The following CHST8 variants were observed in gnomAD, a reference collection of about 807,000 sequenced individuals.
CHST8 encodes GALNAC-4-ST1.
A neutral mutation model predicts 15.0 loss-of-function variants in CHST8; 10 were observed. That is an observed-to-expected ratio of 0.67 (90% CI 0.41 to 1.13). The LOEUF is 1.13. Ranked by LOEUF, CHST8 falls within the 50% of genes most tolerant of loss-of-function variation. The pLI is 0.00. For synonymous variants in CHST8, 259 were observed against 256.6 expected, an observed-to-expected ratio of 1.01 and a Z score of -0.09; for missense variants, 634 against 608.2, an observed-to-expected ratio of 1.04 and a Z score of -0.45.
intron 3 of CHST8, among the ~76,000 whole-genome samples, chr19:33,696,612 C>T (rs549847647): frequency 2.0e-5 from 3 of 152,106 alleles, no homozygotes; most frequent in Admixed American, 6.5e-5. Context: ...ATAAATGTAA[C>T]GTGCTTGAAC....
At chr19:33,655,766 G>T (rs902577215) in intron 1 of CHST8, among the ~76,000 whole-genome samples, 2 of 151,232 alleles carry the variant, frequency 1.3e-5, no homozygotes, top group African/African-American at 2.4e-5. Context: ...TATTAATGTT[G>T]TTTTTTTTCT....
rs1472808641 is a variant in CHST8 at position 33,753,159 on chromosome 19, G to A, written c.131-18254G>A. 3.3e-5 allele frequency among the ~76,000 whole-genome samples: 5 copies of A among 151,978 alleles called. No individual in the cohort carries two copies. In the East Asian group the frequency reaches 9.7e-4, roughly 29 times the overall value. ...GGTCAGGGAGGTCACTCTTGCCCGT[G>A]GGAACGGCACAGCCAGAGCCTGCAC... On this transcript the variant is annotated intron_variant, in intron 3 of 4. Transcript: ENST00000650847.
chr19:33,650,518 CTTTTTTTTTTTTT>C, intron 1 of CHST8, among the ~76,000 whole-genome samples: 1 of 36,108 alleles, frequency 2.8e-5, no homozygotes, highest in South Asian at 1.1e-3. Context: ...TTTTTCTTTT[CTTTTTTTTTTTTT>C]TTTTTTTTTT....
In CHST8 at chr19:33,772,498, A is replaced by T; in HGVS notation, c.710A>T (p.Asp237Val). 6.2e-7 allele frequency: 1 copy of T among 1,613,792 alleles called. No individual in the cohort carries two copies. The highest frequency in any genetic ancestry group is 8.5e-7 in the Non-Finnish European group (1 of 1,180,008). The change falls in exon 5 of 5, where the codon GAC becomes GTC. Residue 237 changes from aspartate (D) to valine (V), a missense_variant. Physicochemically the swap from Asp to Val is radical, Grantham distance 152. Coordinates refer to ENST00000650847, the MANE Select transcript of CHST8 (RefSeq NM_001127895.2). ...TATGGCAGCGCTCTCAAGCGCCTGG[A>T]CACCTTCGACCGCCAGGGTATCTTG... The part of the protein sequence containing the change: ...VHYGSALKRL[D>V]TFDRQGILHR...
intron 1 of CHST8, among the ~76,000 whole-genome samples, chr19:33,634,199 T>C (rs1308394576): frequency 3.3e-5 from 5 of 152,202 alleles, no homozygotes; most frequent in African/African-American, 9.6e-5. Flanking sequence ...GTTCCGTACG[T>C]AACTCTCCCA....
At chr19:33,650,392 G>T (rs1972420844) in intron 1 of CHST8, among the ~76,000 whole-genome samples, 1 of 151,732 alleles carries the variant, frequency 6.6e-6, no homozygotes, top group Non-Finnish European at 1.5e-5. Flanking sequence ...TATCTATTCA[G>T]ATCCTTTGCC....
chr19:33,707,106 C>A (rs1324177019), intron 3 of CHST8, among the ~76,000 whole-genome samples: 1 of 152,168 alleles, frequency 6.6e-6, no homozygotes, highest in African/African-American at 2.4e-5. Context: ...GTTTCCCAGA[C>A]TAAAGTGCAG....
rs189989840 is a variant in CHST8 at position 33,626,466 on chromosome 19, C to T, written c.-164+4170C>T. ...ATTTGGATGTTTGTCCCCTGTGAATCTTACCTTGAAATGTGATCCCCAGTG... is the reference window on the plus strand; with the variant it reads ...ATTTGGATGTTTGTCCCCTGTGAATTTTACCTTGAAATGTGATCCCCAGTG... On this transcript the variant is annotated intron_variant, in intron 1 of 4. Transcript: ENST00000650847. Among the ~76,000 whole-genome samples, 10 of 152,308 alleles carry T rather than the reference C, an allele frequency of 6.6e-5. No individual in the cohort carries two copies. In the East Asian group the frequency reaches 1.5e-3, roughly 24 times the overall value.
At chr19:33,680,120 A>G (rs1029209994) in intron 2 of CHST8, among the ~76,000 whole-genome samples, 4 of 152,066 alleles carry the variant, frequency 2.6e-5, no homozygotes, top group Non-Finnish European at 2.9e-5. Flanking sequence ...GTGCACCCCA[A>G]ACTCCATCTC....
chr19:33,710,858 G>C (rs1973534071), intron 3 of CHST8, among the ~76,000 whole-genome samples: 1 of 148,806 alleles, frequency 6.7e-6, no homozygotes, highest in Non-Finnish European at 1.5e-5. Context: ...GTATGCTTTT[G>C]GTCAATTTCT....
intron 3 of CHST8, among the ~76,000 whole-genome samples, chr19:33,717,258 C>T (rs1973680957): frequency 6.6e-6 from 1 of 152,208 alleles, no homozygotes; most frequent in East Asian, 1.9e-4. Context: ...GTTGGGAGTT[C>T]GAGACCAGCC....
chr19:33,698,503 G>A (rs943372496), intron 3 of CHST8, among the ~76,000 whole-genome samples: 1 of 152,138 alleles, frequency 6.6e-6, no homozygotes, highest in Admixed American at 6.6e-5. Context: ...CAAGGAGATT[G>A]GGGGCAGCCA....
intron 1 of CHST8, among the ~76,000 whole-genome samples, chr19:33,654,835 T>C (rs1972490638): frequency 6.6e-6 from 1 of 152,194 alleles, no homozygotes; most frequent in Non-Finnish European, 1.5e-5. Flanking sequence ...TGGGCACCAA[T>C]GCCCCAGGCC....
intron 3 of CHST8, among the ~76,000 whole-genome samples, chr19:33,714,035 A>G (rs1436428178): frequency 6.6e-6 from 1 of 152,204 alleles, no homozygotes; most frequent in African/African-American, 2.4e-5. Flanking sequence ...ACTGCTTGTT[A>G]GGATCACCTG....
At position 33,773,002 on chromosome 19, in the gene CHST8, A is replaced by G. The variant is rs1296933014; in HGVS notation, c.1214A>G (p.Asp405Gly). The G allele has an allele frequency of 6.2e-7, 1 of 1,612,904 alleles. No individual in the cohort carries two copies. Among genetic ancestry groups the G allele is most frequent in the Admixed American group, 1.7e-5 (1 of 60,032 alleles). Residue 405 changes from aspartate (D) to glycine (G), a missense_variant, in exon 5 of 5, where the codon GAC (aspartate) becomes GGC (glycine). Physicochemically the swap from Asp to Gly is moderately conservative, Grantham distance 94 (BLOSUM62 -1). Coordinates refer to ENST00000650847, the MANE Select transcript of CHST8 (RefSeq NM_001127895.2). ...GCCCTGCAAAGGCAGCGCACCTACG[A>G]CTTCTACTACATGGATTACCTGATG... is the stretch of plus-strand genomic sequence containing the variant. ...LSALQRQRTY[D>G]FYYMDYLMFN... is the part of the protein sequence containing the mutation.
intron 1 of CHST8, among the ~76,000 whole-genome samples, chr19:33,624,138 C>CG (rs1341945729): frequency 1.3e-5 from 2 of 152,126 alleles, no homozygotes; most frequent in African/African-American, 4.8e-5. Flanking sequence ...TTATGTTTCC[C>CG]GGGTATTGAT....
chr19:33,741,421 C>T (rs1462163511), intron 3 of CHST8, among the ~76,000 whole-genome samples: 3 of 152,230 alleles, frequency 2.0e-5, no homozygotes, highest in African/African-American at 7.2e-5. Flanking sequence ...TGCAAGTCAA[C>T]ATGAACTGTT....
intron 1 of CHST8, among the ~76,000 whole-genome samples, chr19:33,663,753 C>T (rs1215768978): frequency 1.3e-5 from 2 of 152,058 alleles, no homozygotes; most frequent in Non-Finnish European, 1.5e-5. Flanking sequence ...GCCTGTAATC[C>T]CAGCTACTTG....
chr19:33,724,088 G>C (rs77699219), intron 3 of CHST8, among the ~76,000 whole-genome samples: 1 of 152,110 alleles, frequency 6.6e-6, no homozygotes, highest in African/African-American at 2.4e-5. Context: ...TGCAGGCACC[G>C]GGCCTGGCTC....
Sources: gnomAD v4.1 joint callset for allele counts (sites outside exome capture counted in the v4.1 genomes callset) on GRCh38, gnomAD v4.1.1 for gene constraint, MANE v1.5 for transcripts, NCBI Gene and HGNC (gene_info 2026-07-23, HGNC 2026-07-21) for gene names.